BCL2L14: variants seen among roughly 807,000 people sequenced by gnomAD.
BCL2L14 encodes the protein BCL2 like 14, also known as apoptosis facilitator Bcl-2-like protein 14.
In BCL2L14, 27 loss-of-function variants were observed where a neutral mutation model predicts 35.3. The observed-to-expected ratio is 0.76, with a 90% CI of 0.56 to 1.05. The LOEUF (loss-of-function observed/expected upper bound fraction) is 1.05. BCL2L14 is among the 50% of genes least tolerant of loss of function. The pLI is 0.00. For synonymous variants in BCL2L14, 139 were observed against 145.9 expected (o/e 0.95, Z 0.34); for missense variants, 377 against 382.6 (o/e 0.99, Z 0.12).
At position 12,099,330 on chromosome 12, in the gene BCL2L14, C is replaced by T; in HGVS notation, c.*342C>T. 1 of 279,714 alleles carries T rather than the reference C, an allele frequency of 3.6e-6. No individual in the cohort carries two copies. Among genetic ancestry groups the T allele is most frequent in the Non-Finnish European group, 6.7e-6 (1 of 149,880 alleles). The allele number at this position is 279,714 out of a possible 1,614,324, so 17.3% of individuals were successfully genotyped here. A position where few individuals can be genotyped will look rare whatever the true frequency, so the allele number is the denominator to read the frequency against. On this transcript the variant is annotated 3_prime_UTR_variant, in exon 6 of 6. Coordinates refer to ENST00000308721, the MANE Select transcript of BCL2L14 (RefSeq NM_138723.2). ...AGGGAAAGTGCGTTACAGATGTCTG[C>T]TGACCTCACAAGAGTGAAAAGATAA...
intron 4 of BCL2L14, chr12:12,094,461 G>T (rs1325674954): frequency 6.9e-7 from 1 of 1,444,788 alleles, no homozygotes; most frequent in Non-Finnish European, 9.7e-7. Context: ...ATGTATTTGT[G>T]CTGATGAAAT....
upstream of BCL2L14, chr12:12,068,068 T>G (rs1460024938): frequency 1.3e-5 from 5 of 395,742 alleles, no homozygotes; most frequent in African/African-American, 1.0e-4. Flanking sequence ...CTCAGTCTCC[T>G]GAGTAGCTGA....
At chr12:12,093,131 A>T (rs1269096753) in intron 4 of BCL2L14, among the ~76,000 whole-genome samples, 1 of 152,222 alleles carries the variant, frequency 6.6e-6, no homozygotes, top group African/African-American at 2.4e-5. Context: ...GAGGTAAAGC[A>T]GAGAGATACC....
chr12:12,078,652 A>G (rs1011295723), intron 1 of BCL2L14, among the ~76,000 whole-genome samples: 1 of 152,026 alleles, frequency 6.6e-6, no homozygotes, highest in South Asian at 2.1e-4. Context: ...TGTAGCCCCA[A>G]TATCCACCCA....
intron 2 of BCL2L14, among the ~76,000 whole-genome samples, chr12:12,059,716 T>G (rs1047473562): frequency 2.6e-5 from 4 of 152,122 alleles, no homozygotes; most frequent in Non-Finnish European, 5.9e-5. Context: ...TAGCCTGTGT[T>G]CTTAAGAACT....
Position 12,098,886 on chromosome 12 carries a change from CAT to C in BCL2L14, c.946-61_946-60del, listed in dbSNP as rs1279537833. 1.3e-5 allele frequency: 15 copies of C among 1,153,554 alleles called. No individual in the cohort carries two copies. In the East Asian group the frequency reaches 3.0e-4, roughly 23 times the overall value. The allele number at this position is 1,153,554 out of a possible 1,614,324, so 71.5% of individuals were successfully genotyped here. A position where few individuals can be genotyped will look rare whatever the true frequency, so the allele number is the denominator to read the frequency against. On this transcript the variant is annotated intron_variant, in intron 5 of 5. Transcript: ENST00000308721. ...CCTGGGATAGAGCAGAGTTAGCAGCCATATGTTTTCACTTCAACAGTAAATCT... is the reference window on the plus strand; with the variant it reads ...CCTGGGATAGAGCAGAGTTAGCAGCCATGTTTTCACTTCAACAGTAAATCT...
intron 5 of BCL2L14, among the ~76,000 whole-genome samples, chr12:12,096,870 G>A (rs1281132563): frequency 1.3e-5 from 2 of 152,192 alleles, no homozygotes; most frequent in Non-Finnish European, 2.9e-5. Flanking sequence ...GGGGCCGGGC[G>A]CAGTGGCTCA....
rs1050095092 is a variant in BCL2L14, at chr12:12,079,859, C to T, written c.433+121C>T. Reference sequence around the variant, plus strand: ...AGAGAAGGCATGCGTTGTGCCTCAGCTTTCCAACTTATTAGTGTTCAATCA... The same window carrying T: ...AGAGAAGGCATGCGTTGTGCCTCAGTTTTCCAACTTATTAGTGTTCAATCA... On this transcript the variant is annotated intron_variant, in intron 2 of 5. Transcript: ENST00000308721. 4.1e-6 allele frequency: 4 copies of T among 987,180 alleles called. No homozygotes were observed. The Admixed American group carries it at 9.9e-5, about 25-fold the overall frequency. 61.2% of individuals were successfully genotyped at this position (987,180 alleles called of 1,614,324 possible).
intron 3 of BCL2L14, among the ~76,000 whole-genome samples, 195 bp from the exon 4 acceptor site, chr12:12,090,584 G>C (rs1565483969): frequency 6.6e-6 from 1 of 151,066 alleles, no homozygotes; most frequent in Non-Finnish European, 1.5e-5. Context: ...AGTGAGGCAA[G>C]ATCGCACCAT....
chr12:12,094,541 G>A (rs765496952), intron 4 of BCL2L14, 123 bp from the exon 5 acceptor site: 1 of 1,614,232 alleles, frequency 6.2e-7, no homozygotes, highest in Non-Finnish European at 8.5e-7. Flanking sequence ...TCCCTTGGTT[G>A]ACACCAGCAT....
intron 3 of BCL2L14, among the ~76,000 whole-genome samples, chr12:12,089,052 G>A (rs9300239): frequency 0.12 from 18,292 of 152,296 alleles, 1,236 homozygotes; most frequent in Middle Eastern, 0.23. Flanking sequence ...AATATATCGA[G>A]ACAGATCTTA....
At chr12:12,087,457 C>T in intron 3 of BCL2L14, 71 bp downstream of exon 3, 1 of 1,528,004 alleles carries the variant, frequency 6.5e-7, no homozygotes, top group South Asian at 1.2e-5. Context: ...TTTATCCATC[C>T]CAGGGCTCGG....
intron 1 of BCL2L14, among the ~76,000 whole-genome samples, chr12:12,073,420 C>T (rs1948710155): frequency 6.6e-6 from 1 of 152,132 alleles, no homozygotes; most frequent in Non-Finnish European, 1.5e-5. Context: ...AAAAATCTCA[C>T]ATTTTACTAA....
chr12:12,080,550 G>T lies in BCL2L14; in HGVS notation c.433+812G>T, dbSNP rs537942401. On this transcript the variant is annotated intron_variant, in intron 2 of 5. Transcript: ENST00000308721. ...CAAGAGAATCGCTTGAACCTGGGAGGCGGAGGTTGCAGTGAGCCGAGATTG... is the reference window on the plus strand; with the variant it reads ...CAAGAGAATCGCTTGAACCTGGGAGTCGGAGGTTGCAGTGAGCCGAGATTG... 8.6e-5 allele frequency among the ~76,000 whole-genome samples: 13 copies of T among 151,690 alleles called. No homozygotes were observed. The South Asian group carries it at 2.5e-3, about 29-fold the overall frequency.
At chr12:12,061,860 G>A (rs1363937806) in intron 2 of BCL2L14, among the ~76,000 whole-genome samples, 3 of 152,126 alleles carry the variant, frequency 2.0e-5, no homozygotes, top group East Asian at 3.9e-4. Flanking sequence ...CCTGCTGATC[G>A]TGTCCGATTA....
At chr12:12,089,732 C>T (rs1401448741) in intron 3 of BCL2L14, among the ~76,000 whole-genome samples, 1 of 152,192 alleles carries the variant, frequency 6.6e-6, no homozygotes, top group African/African-American at 2.4e-5. Context: ...ACACACCATA[C>T]ACCAACCGTG....
At chr12:12,064,243 C>T (rs1296729516) in intron 2 of BCL2L14, among the ~76,000 whole-genome samples, 1 of 152,140 alleles carries the variant, frequency 6.6e-6, no homozygotes, top group Non-Finnish European at 1.5e-5. Context: ...GATCCTCCCA[C>T]CTCAGCCTCC....
At position 12,098,490 on chromosome 12, in the gene BCL2L14, T is replaced by C. The variant is rs553753152; in HGVS notation, c.946-460T>C. On this transcript the variant is annotated intron_variant, in intron 5 of 5. Coordinates refer to ENST00000308721, the MANE Select transcript of BCL2L14 (RefSeq NM_138723.2). ...TGAATGAATCGATCAAATGAATGAA[T>C]AGCAACTCTATCTACAAGGCATGCC... 5.3e-5 allele frequency among the ~76,000 whole-genome samples: 8 copies of C among 152,268 alleles called. No individual in the cohort carries two copies. In the East Asian group the frequency reaches 9.7e-4, roughly 18 times the overall value.
chr12:12,059,014 C>A (rs1948478856), intron 2 of BCL2L14, among the ~76,000 whole-genome samples: 1 of 152,228 alleles, frequency 6.6e-6, no homozygotes. Context: ...ACACTTCAAT[C>A]TCTCCCTTCT....
Sources: gnomAD v4.1 joint callset for allele counts (sites outside exome capture counted in the v4.1 genomes callset) on GRCh38, gnomAD v4.1.1 for gene constraint, MANE v1.5 for transcripts, NCBI Gene and HGNC (gene_info 2026-07-23, HGNC 2026-07-21) for gene names.